The following ZNF429 variants were observed in gnomAD, a reference collection of about 807,000 sequenced individuals.
The protein encoded by ZNF429 is zinc finger protein 429.
Under a neutral mutation model 56.8 loss-of-function variants are expected in ZNF429, and 53 were observed. That is an observed-to-expected ratio of 0.93 (90% CI 0.75 to 1.17). ZNF429 has a LOEUF of 1.17. Among genes scored for constraint, ZNF429 ranks in the 50% most tolerant of loss-of-function variants. The pLI is 0.00. For missense variants in ZNF429, 849 were observed against 788.4 expected (o/e 1.08, Z -0.92); for synonymous variants, 278 against 264.7 (o/e 1.05, Z -0.49).
At chr19:21,521,457 G>C (rs2032982218) in intron 1 of ZNF429, 1 of 152,192 alleles carries the variant, frequency 6.6e-6, no homozygotes, top group African/African-American at 2.4e-5. Flanking sequence ...ATTCTACTGA[G>C]AATATGCCCT....
At chr19:21,519,042 G>A (rs1262886689) in intron 1 of ZNF429, 1 of 151,918 alleles carries the variant, frequency 6.6e-6, no homozygotes, top group Non-Finnish European at 1.5e-5. Context: ...TTTCATATAT[G>A]TTTATTAGAA....
In ZNF429 at chr19:21,505,875, C is replaced by T. The variant is rs926952369; in HGVS notation, c.3+101C>T. On this transcript the variant is annotated intron_variant, in intron 1 of 3. Coordinates refer to ENST00000358491, the MANE Select transcript of ZNF429 (RefSeq NM_001001415.4). ...TTAGGTCTCCCGGCAGTCAGCTCCA[C>T]AATCTGCGCCCGGAATTCTCCTTGC... is the stretch of plus-strand genomic sequence containing the variant. 303 of 1,315,960 alleles carry T rather than the reference C, an allele frequency of 2.3e-4. 1 individual carries two copies. Among genetic ancestry groups the T allele is most frequent in the Non-Finnish European group, 6.1e-5 (57 of 928,858 alleles). 81.5% of individuals were successfully genotyped at this position (1,315,960 alleles called of 1,614,324 possible).
In ZNF429 at chr19:21,538,276, T is replaced by TAAAA. The variant is rs2033800201; in HGVS notation, c.*198_*199insAAAA. Among the ~76,000 whole-genome samples, 1 of 6,144 alleles carries TAAAA rather than the reference T, an allele frequency of 1.6e-4. No homozygotes were observed. Among genetic ancestry groups the TAAAA allele is most frequent in the Non-Finnish European group, 3.0e-4 (1 of 3,376 alleles). The allele number at this position is 6,144 out of a possible 152,430, so 4.0% of individuals were successfully genotyped here. ...CTGGGTGACAGAGCCAGACTCCATC[T>TAAAA]CAAAAAAAAAAAAAAAAAAAAAAGA... On this transcript the variant is annotated 3_prime_UTR_variant, in exon 4 of 4. Transcript: ENST00000358491.
chr19:21,537,614 T>G lies in ZNF429; in HGVS notation c.1561T>G (p.Ser521Ala), dbSNP rs373149644. 36 of 1,613,232 alleles carry G rather than the reference T, an allele frequency of 2.2e-5. No homozygotes were observed. Among genetic ancestry groups the G allele is most frequent in the Non-Finnish European group, 3.0e-5 (35 of 1,179,802 alleles). Residue 521 changes from serine to alanine, a missense_variant, in exon 4 of 4, where the codon TCC (serine) becomes GCC (alanine). Coordinates refer to ENST00000358491, the MANE Select transcript of ZNF429 (RefSeq NM_001001415.4). Reference protein sequence around the residue: ...CEECGKAFILSSRLTQHKKIH... With the variant: ...CEECGKAFILASRLTQHKKIH... ...AGAATGTGGCAAAGCTTTTATCCTG[T>G]CCTCAAGACTTACTCAACATAAGAA...
Position 21,537,291 on chromosome 19 carries a change from C to T in ZNF429, c.1238C>T (p.Thr413Ile), listed in dbSNP as rs895767576. 2 of 1,613,604 alleles carry T rather than the reference C, an allele frequency of 1.2e-6. No homozygotes were observed. Among genetic ancestry groups the T allele is most frequent in the Non-Finnish European group, 1.7e-6 (2 of 1,179,740 alleles). Reference protein sequence around the residue: ...GRVFTCSSTLTQDKKIHTGEK... With the variant: ...GRVFTCSSTLIQDKKIHTGEK... Reference sequence around the variant, plus strand: ...GTTTTTACCTGTTCCTCAACACTTACTCAAGACAAGAAAATTCATACTGGA... The same window carrying T: ...GTTTTTACCTGTTCCTCAACACTTATTCAAGACAAGAAAATTCATACTGGA... Residue 413 changes from threonine to isoleucine, a missense_variant, in exon 4 of 4, where the codon ACT becomes ATT. Transcript: ENST00000358491.
Position 21,538,051 on chromosome 19 carries a change from G to A in ZNF429, c.1998G>A (p.Arg666=). ...GAGGCAGAGGTGGGCGGATCACGAG[G>A]TCAGGAGATCGAGACCGTCCTGGCT... is the stretch of plus-strand genomic sequence containing the variant. ...TLGGRGGRIT[R]SGDRDRPG The change falls in exon 4 of 4, where the codon AGG becomes AGA. Residue 666 remains arginine, a synonymous_variant. Coordinates refer to ENST00000358491, the MANE Select transcript of ZNF429 (RefSeq NM_001001415.4). The A allele has an allele frequency of 6.7e-7, 1 of 1,495,916 alleles. No homozygotes were observed. The highest frequency in any genetic ancestry group is 9.3e-7 in the Non-Finnish European group (1 of 1,077,752). The allele number at this position is 1,495,916 out of a possible 1,614,324, so 92.7% of individuals were successfully genotyped here. A position where few individuals can be genotyped will look rare whatever the true frequency, so the allele number is the denominator to read the frequency against.
chr19:21,507,422 C>T (rs184442261), intron 1 of ZNF429: 29 of 152,258 alleles, frequency 1.9e-4, no homozygotes, highest in African/African-American at 6.3e-4. Flanking sequence ...GATTTGTTTT[C>T]TGTTTATAAA....
intron 1 of ZNF429, among the ~76,000 whole-genome samples, chr19:21,508,377 A>T (rs1188428669): frequency 6.6e-6 from 1 of 152,202 alleles, no homozygotes; most frequent in Non-Finnish European, 1.5e-5. Context: ...GAGGGTGGTT[A>T]TTGAGTACTT....
intron 1 of ZNF429, 108 bp downstream of exon 1, chr19:21,505,882 C>G: frequency 1.6e-6 from 2 of 1,255,338 alleles, no homozygotes; most frequent in South Asian, 2.5e-5. Flanking sequence ...CCACAATCTG[C>G]GCCCGGAATT....
chr19:21,533,198 C>G, intron 3 of ZNF429, among the ~76,000 whole-genome samples: 5 of 152,076 alleles, frequency 3.3e-5, no homozygotes. Context: ...ATGCATATCT[C>G]TACAAATTAG....
At chr19:21,528,914 G>T (rs1393386743) in intron 1 of ZNF429, among the ~76,000 whole-genome samples, 2 of 152,096 alleles carry the variant, frequency 1.3e-5, no homozygotes, top group Non-Finnish European at 1.5e-5. Flanking sequence ...CTTGGTTAAA[G>T]AACTCTCTGA....
At chr19:21,531,106 C>CAAAAAAAAAAACAAAACAAAAAAAAA in intron 3 of ZNF429, among the ~76,000 whole-genome samples, 2 of 17,560 alleles carry the variant, frequency 1.1e-4, no homozygotes, top group African/African-American at 6.1e-4. Flanking sequence ...AACTCCATCT[C>CAAAAAAAAAAACAAAACAAAAAAAAA]AAAAAAAAAA....
At chr19:21,516,885 C>A (rs1425318615) in intron 1 of ZNF429, among the ~76,000 whole-genome samples, 1 of 152,196 alleles carries the variant, frequency 6.6e-6, no homozygotes, top group African/African-American at 2.4e-5. Context: ...ATGTCATCTG[C>A]AAACAGGGTT....
At position 21,538,169 on chromosome 19, in the gene ZNF429, C is replaced by T; in HGVS notation, c.*91C>T. The T allele has an allele frequency of 1.8e-6, 1 of 541,454 alleles. No individual in the cohort carries two copies. The highest frequency in any genetic ancestry group is 2.3e-5 in the South Asian group (1 of 44,072). The allele number at this position is 541,454 out of a possible 1,614,324, so 33.5% of individuals were successfully genotyped here. A position where few individuals can be genotyped will look rare whatever the true frequency, so the allele number is the denominator to read the frequency against. On this transcript the variant is annotated 3_prime_UTR_variant, in exon 4 of 4. Transcript: ENST00000358491. ...TGGTGGGCACTTGTAGTCCCACCTA[C>T]TCGGGAGGCTGAGGCAGGAGAATGG...
intron 1 of ZNF429, among the ~76,000 whole-genome samples, chr19:21,525,639 T>C (rs183039241): frequency 1.1e-4 from 16 of 147,486 alleles, no homozygotes; most frequent in African/African-American, 4.0e-4. Context: ...ATACGTATTT[T>C]TAATTTTTTA....
intron 1 of ZNF429, among the ~76,000 whole-genome samples, chr19:21,514,906 A>G (rs1043807696): frequency 2.2e-5 from 3 of 137,428 alleles, no homozygotes; most frequent in African/African-American, 8.2e-5. Flanking sequence ...GCCACCATAT[A>G]TATTTTTATT....
At position 21,537,135 on chromosome 19, in the gene ZNF429, T is replaced by C. The variant is rs760640722; in HGVS notation, c.1082T>C (p.Val361Ala). Reference sequence around the variant, plus strand: ...TCTTCAACTCTTACTAAACATAAGGTAATTCATACTGGAGAGAAGCCCTAC... The same window carrying C: ...TCTTCAACTCTTACTAAACATAAGGCAATTCATACTGGAGAGAAGCCCTAC... ...NWSSTLTKHK[V>A]IHTGEKPYKC... The change falls in exon 4 of 4, where the codon GTA becomes GCA. Residue 361 changes from valine (V) to alanine (A), a missense_variant. Val to Ala is a moderately conservative substitution (Grantham distance 64, BLOSUM62 0). Transcript: ENST00000358491. 6.2e-7 allele frequency: 1 copy of C among 1,602,450 alleles called. No homozygotes were observed. The highest frequency in any genetic ancestry group is 8.5e-7 in the Non-Finnish European group (1 of 1,176,100).
chr19:21,530,954 A>G, intron 3 of ZNF429, among the ~76,000 whole-genome samples: 4 of 151,740 alleles, frequency 2.6e-5, no homozygotes, highest in Non-Finnish European at 4.4e-5. Context: ...AACAGTACAA[A>G]AGTTCACTGG....
At chr19:21,528,347 A>AAC (rs2033243698) in intron 1 of ZNF429, among the ~76,000 whole-genome samples, 1 of 152,132 alleles carries the variant, frequency 6.6e-6, no homozygotes, top group South Asian at 2.1e-4. Context: ...AAAATAATAT[A>AAC]TATTAGGAGG....
Sources: gnomAD v4.1 joint callset for allele counts (sites outside exome capture counted in the v4.1 genomes callset) on GRCh38, gnomAD v4.1.1 for gene constraint, MANE v1.5 for transcripts, NCBI Gene and HGNC (gene_info 2026-07-23, HGNC 2026-07-21) for gene names.